Variants in HDAC9 observed in about 807,000 individuals in gnomAD.
HDAC9 encodes the protein MEF-2 interacting transcription repressor (MITR) protein.
Under a neutral mutation model 139.4 loss-of-function variants are expected in HDAC9, and 41 were observed. That is an observed-to-expected ratio of 0.29 (90% CI 0.23 to 0.38). The LOEUF is 0.38. Among genes scored for constraint, HDAC9 ranks in the 10% least tolerant of loss-of-function variants. The probability of loss-of-function intolerance (pLI) is 1.00; values close to 1 mark genes in which losing one functional copy is unlikely to be tolerated. For synonymous variants in HDAC9, 517 were observed against 476.2 expected (o/e 1.09, Z -1.12); for missense variants, 1,147 against 1,297.0 (o/e 0.88, Z 1.78).
intron 2 of HDAC9, among the ~76,000 whole-genome samples, chr7:18,234,632 A>T (rs566188458): frequency 6.6e-6 from 1 of 152,310 alleles, no homozygotes; most frequent in East Asian, 1.9e-4. Flanking sequence ...CTGGTGAGAA[A>T]CCAAGTCTGT....
At chr7:18,666,007 C>T (rs1584778926) in intron 11 of HDAC9, among the ~76,000 whole-genome samples, 1 of 152,024 alleles carries the variant, frequency 6.6e-6, no homozygotes, top group Non-Finnish European at 1.5e-5. Context: ...TTATTCACTG[C>T]CTACTGGACC....
At chr7:18,812,742 C>T (rs1794273956) in intron 17 of HDAC9, among the ~76,000 whole-genome samples, 1 of 151,498 alleles carries the variant, frequency 6.6e-6, no homozygotes, top group Non-Finnish European at 1.5e-5. Flanking sequence ...ATTTTCTGCC[C>T]CATTTTTTAT....
At chr7:18,657,835 AAATCCAAAC>A (rs1309073425) in intron 11 of HDAC9, among the ~76,000 whole-genome samples, 1 of 152,098 alleles carries the variant, frequency 6.6e-6, no homozygotes, top group Admixed American at 6.6e-5. Flanking sequence ...TTGTAGGATA[AAATCCAAAC>A]ACTTTTACAT....
At chr7:18,334,980 A>C (rs1420780065) in intron 1 of HDAC9, among the ~76,000 whole-genome samples, 3 of 151,508 alleles carry the variant, frequency 2.0e-5, no homozygotes, top group Non-Finnish European at 4.4e-5. Flanking sequence ...CTTAGGAGAC[A>C]ACTTTTCTTT....
intron 1 of HDAC9, among the ~76,000 whole-genome samples, chr7:18,361,458 T>C (rs1046808296): frequency 6.6e-6 from 1 of 152,206 alleles, no homozygotes; most frequent in Non-Finnish European, 1.5e-5. Flanking sequence ...CCCTACCCCT[T>C]CTTTACCACT....
At chr7:18,741,144 G>A (rs1345123408) in intron 13 of HDAC9, among the ~76,000 whole-genome samples, 1 of 152,234 alleles carries the variant, frequency 6.6e-6, no homozygotes, top group African/African-American at 2.4e-5. Context: ...AGCTAAGACC[G>A]TTGGTGAAGA....
At chr7:18,953,914 C>G (rs1337741012) in intron 23 of HDAC9, among the ~76,000 whole-genome samples, 1 of 152,048 alleles carries the variant, frequency 6.6e-6, no homozygotes, top group African/African-American at 2.4e-5. Context: ...GCTTCAGGGA[C>G]TTCATAGATT....
chr7:18,766,077 T>C (rs535892218), intron 15 of HDAC9, among the ~76,000 whole-genome samples: 3 of 152,372 alleles, frequency 2.0e-5, no homozygotes, highest in African/African-American at 7.2e-5. Flanking sequence ...GTGTATGAAT[T>C]CTACTATAAA....
At chr7:18,234,833 CTT>C (rs1793706943) in intron 2 of HDAC9, among the ~76,000 whole-genome samples, 1 of 152,214 alleles carries the variant, frequency 6.6e-6, no homozygotes, top group African/African-American at 2.4e-5. Flanking sequence ...GTGATGGTAG[CTT>C]CTGAATTCAG....
intron 1 of HDAC9, among the ~76,000 whole-genome samples, chr7:18,423,079 A>G (rs901831264): frequency 6.6e-6 from 1 of 152,216 alleles, no homozygotes; most frequent in Non-Finnish European, 1.5e-5. Context: ...ACAGGTTTAA[A>G]CTAGTGGATT....
intron 12 of HDAC9, among the ~76,000 whole-genome samples, chr7:18,711,715 G>A (rs1784358162): frequency 6.6e-6 from 1 of 152,160 alleles, no homozygotes; most frequent in Non-Finnish European, 1.5e-5. Context: ...TGTCACAAAT[G>A]AGAGGAACGC....
intron 1 of HDAC9, among the ~76,000 whole-genome samples, chr7:18,110,255 C>G (rs1306148185): frequency 6.6e-6 from 1 of 152,142 alleles, no homozygotes; most frequent in Non-Finnish European, 1.5e-5. Context: ...TAGATATAGT[C>G]TATTTTGGGC....
chr7:18,996,446 C>T lies in HDAC9; in HGVS notation c.*384C>T, dbSNP rs191730964. ...GTGAAATTTTGGGCAAAACCTGAGA[C>T]ATAGTCATTCCTGACATTCTGATCA... On this transcript the variant is annotated 3_prime_UTR_variant, in exon 26 of 26. Coordinates refer to ENST00000686413, the MANE Select transcript of HDAC9 (RefSeq NM_178425.4). 6 of 167,420 alleles carry T rather than the reference C, an allele frequency of 3.6e-5. No individual in the cohort carries two copies. Among genetic ancestry groups the T allele is most frequent in the East Asian group, 1.7e-4 (1 of 5,804 alleles). 10.4% of individuals were successfully genotyped at this position (167,420 alleles called of 1,614,324 possible). A position where few individuals can be genotyped will look rare whatever the true frequency, so the allele number is the denominator to read the frequency against.
intron 2 of HDAC9, among the ~76,000 whole-genome samples, chr7:18,225,247 G>C (rs1200646504): frequency 6.6e-6 from 1 of 152,184 alleles, no homozygotes; most frequent in African/African-American, 2.4e-5. Context: ...TAGGTAAAGA[G>C]AGAAGTTATA....
At chr7:18,122,741 C>A (rs1422187602) in intron 1 of HDAC9, among the ~76,000 whole-genome samples, 1 of 152,104 alleles carries the variant, frequency 6.6e-6, no homozygotes, top group African/African-American at 2.4e-5. Flanking sequence ...GCCTCAGCCT[C>A]CTGAGTAGCT....
chr7:18,138,717 G>T (rs1249543379), intron 1 of HDAC9, among the ~76,000 whole-genome samples: 1 of 152,092 alleles, frequency 6.6e-6, no homozygotes, highest in African/African-American at 2.4e-5. Context: ...ATTTCATTAA[G>T]AATCTAGGTT....
At chr7:18,443,969 C>T (rs543066880) in intron 1 of HDAC9, among the ~76,000 whole-genome samples, 2 of 151,544 alleles carry the variant, frequency 1.3e-5, no homozygotes, top group South Asian at 4.2e-4. Context: ...TGTATGTATG[C>T]ATGTAAGCAT....
At chr7:18,846,051 A>C (rs1209269755) in intron 21 of HDAC9, among the ~76,000 whole-genome samples, 1 of 152,174 alleles carries the variant, frequency 6.6e-6, no homozygotes, top group Non-Finnish European at 1.5e-5. Flanking sequence ...CAGAACTACA[A>C]AGTTCTTCAT....
At chr7:18,760,671 G>A (rs916053966) in intron 14 of HDAC9, among the ~76,000 whole-genome samples, 2 of 152,180 alleles carry the variant, frequency 1.3e-5, no homozygotes, top group Non-Finnish European at 2.9e-5. Context: ...TGTTCAGCAC[G>A]TCAAGGCAGT....
Sources: allele counts gnomAD v4.1 joint callset (sites outside exome capture counted in the v4.1 genomes callset), GRCh38; gene constraint gnomAD v4.1.1; transcripts MANE v1.5; gene names NCBI Gene and HGNC (gene_info 2026-07-23, HGNC 2026-07-21).